JARID2: variants seen among roughly 807,000 people sequenced by gnomAD.
The protein encoded by JARID2 is protein Jumonji.
JARID2 carries 21 observed loss-of-function variants against 125.6 expected under a neutral mutation model. The observed-to-expected ratio is 0.17, with a 90% CI of 0.12 to 0.24. JARID2 has a LOEUF of 0.24. JARID2 is among the 10% of genes least tolerant of loss of function. The probability of loss-of-function intolerance (pLI) is 1.00; values close to 1 mark genes in which losing one functional copy is unlikely to be tolerated. For synonymous variants in JARID2, 736 were observed against 661.6 expected (o/e 1.11, Z -1.73); for missense variants, 1,303 against 1,639.6 (o/e 0.79, Z 3.55).
intron 1 of JARID2, among the ~76,000 whole-genome samples, chr6:15,250,114 G>A (rs977310001): frequency 6.6e-6 from 1 of 152,156 alleles, no homozygotes; most frequent in Admixed American, 6.5e-5. Context: ...CAAATTGCCA[G>A]TTTGATTTTC....
Position 15,248,952 on chromosome 6 carries a change from C to G in JARID2, c.45+2368C>G, listed in dbSNP as rs575352125. 8.1e-6 allele frequency: 8 copies of G among 985,588 alleles called. No homozygotes were observed. In the South Asian group the frequency reaches 3.3e-4, roughly 40 times the overall value. The allele number at this position is 985,588 out of a possible 1,614,324, so 61.1% of individuals were successfully genotyped here. A position where few individuals can be genotyped will look rare whatever the true frequency, so the allele number is the denominator to read the frequency against. Reference sequence around the variant, plus strand: ...CTCTGCCTTCCGCTCCGGAGCGTCGCGCTTCCCACCAGGTGAGGGCCGGGG... The same window carrying G: ...CTCTGCCTTCCGCTCCGGAGCGTCGGGCTTCCCACCAGGTGAGGGCCGGGG... On this transcript the variant is annotated intron_variant, in intron 1 of 17. Transcript: ENST00000341776.
chr6:15,374,313 C>T (rs2072820), intron 2 of JARID2, 61 bp downstream of exon 2: 816,492 of 1,569,704 alleles, frequency 0.52, 213,593 homozygotes, highest in Admixed American at 0.59. Flanking sequence ...TGGACTTGTT[C>T]CTGAATTGGA....
At chr6:15,300,897 G>A (rs1003798559) in intron 1 of JARID2, among the ~76,000 whole-genome samples, 5 of 152,010 alleles carry the variant, frequency 3.3e-5, no homozygotes, top group African/African-American at 1.2e-4. Context: ...GGGACGGAAG[G>A]GTGACAGAAA....
intron 4 of JARID2, among the ~76,000 whole-genome samples, chr6:15,458,444 T>C (rs955974558): frequency 6.6e-6 from 1 of 152,250 alleles, no homozygotes; most frequent in Non-Finnish European, 1.5e-5. Context: ...ATATCCTTAC[T>C]GTCAGCCGTT....
At chr6:15,427,820 G>A (rs535745937) in intron 3 of JARID2, among the ~76,000 whole-genome samples, 1 of 152,162 alleles carries the variant, frequency 6.6e-6, no homozygotes, top group Non-Finnish European at 1.5e-5. Flanking sequence ...TGTGAAGGAG[G>A]TGACAGCCAT....
At chr6:15,336,088 AAT>A (rs1762866765) in intron 1 of JARID2, among the ~76,000 whole-genome samples, 1 of 5,360 alleles carries the variant, frequency 1.9e-4, no homozygotes, top group Admixed American at 2.4e-3. Context: ...TCCAAGGGTG[AAT>A]GAATGAATGA....
intron 1 of JARID2, among the ~76,000 whole-genome samples, chr6:15,286,443 G>A (rs982789847): frequency 6.6e-6 from 1 of 151,242 alleles, no homozygotes; most frequent in Non-Finnish European, 1.5e-5. Flanking sequence ...CTAGAGACGG[G>A]GTTTCACCAT....
chr6:15,273,596 A>T (rs1760383146), intron 1 of JARID2, among the ~76,000 whole-genome samples: 1 of 152,136 alleles, frequency 6.6e-6, no homozygotes, highest in Admixed American at 6.5e-5. Context: ...AGCTACTTGG[A>T]AGGCTGAGGC....
At chr6:15,518,655 T>C (rs537231908) in intron 17 of JARID2, among the ~76,000 whole-genome samples, 2 of 152,296 alleles carry the variant, frequency 1.3e-5, no homozygotes, top group African/African-American at 4.8e-5. Flanking sequence ...GGCTAATTTT[T>C]CTTTTTAGTA....
chr6:15,475,367 C>G (rs1297429403), intron 5 of JARID2, among the ~76,000 whole-genome samples: 3 of 152,190 alleles, frequency 2.0e-5, no homozygotes, highest in African/African-American at 7.2e-5. Context: ...TTTTCTGAAC[C>G]TGAAGAAGGC....
chr6:15,469,526 G>T lies in JARID2; in HGVS notation c.670+808G>T, dbSNP rs138551184. On this transcript the variant is annotated intron_variant, in intron 5 of 17. Coordinates refer to ENST00000341776, the MANE Select transcript of JARID2 (RefSeq NM_004973.4). ...CGGCTCACTGCCAGCTCTACCTCCC[G>T]GGTTCACGCCATTATCCTGCCTCAT... 1.6e-3 allele frequency among the ~76,000 whole-genome samples: 240 copies of T among 150,102 alleles called. No homozygotes were observed. The Middle Eastern group carries it at 0.021, about 13-fold the overall frequency.
intron 1 of JARID2, among the ~76,000 whole-genome samples, chr6:15,331,354 A>C (rs1361450720): frequency 7.3e-5 from 11 of 150,864 alleles, no homozygotes; most frequent in Admixed American, 2.6e-4. Context: ...CAAAAACAAA[A>C]ACAAAAAAAA....
chr6:15,498,411 C>G (rs1223896500), intron 7 of JARID2, among the ~76,000 whole-genome samples: 1 of 152,174 alleles, frequency 6.6e-6, no homozygotes, highest in Non-Finnish European at 1.5e-5. Context: ...CTGTAGCCCT[C>G]CTTCCCTGTC....
intron 1 of JARID2, among the ~76,000 whole-genome samples, chr6:15,331,343 AC>A (rs869176354): frequency 2.9e-5 from 1 of 34,016 alleles, no homozygotes; most frequent in Non-Finnish European, 1.0e-4. Context: ...CTCAAAAAAA[AC>A]AAAAACAAAA....
chr6:15,296,280 A>C (rs17769736), intron 1 of JARID2, among the ~76,000 whole-genome samples: 13,907 of 152,190 alleles, frequency 0.091, 734 homozygotes, highest in East Asian at 0.16. Context: ...TTCTAATAGA[A>C]TCATTTTGGG....
intron 16 of JARID2, among the ~76,000 whole-genome samples, chr6:15,515,943 C>T (rs971259720): frequency 2.0e-5 from 3 of 146,524 alleles, no homozygotes; most frequent in Non-Finnish European, 3.0e-5. Flanking sequence ...GTGGAGGTTG[C>T]AGTGAGCCGA....
Position 15,315,957 on chromosome 6 carries a change from G to T in JARID2, c.46-58160G>T, listed in dbSNP as rs1581403467. ...CTTCAGATTGATTTAAAGTGACTGAGGGCATAAGCTGGAACCAAGATTAGA... is the reference window on the plus strand; with the variant it reads ...CTTCAGATTGATTTAAAGTGACTGATGGCATAAGCTGGAACCAAGATTAGA... On this transcript the variant is annotated intron_variant, in intron 1 of 17. Coordinates refer to ENST00000341776, the MANE Select transcript of JARID2 (RefSeq NM_004973.4). 2.6e-5 allele frequency among the ~76,000 whole-genome samples: 4 copies of T among 152,098 alleles called. 1 individual carries two copies. Among genetic ancestry groups the T allele is most frequent in the Admixed American group, 2.6e-4 (4 of 15,288 alleles).
chr6:15,410,493 C>T (rs1205322103), intron 3 of JARID2, 128 bp downstream of exon 3: 18 of 874,546 alleles, frequency 2.1e-5, no homozygotes, highest in African/African-American at 3.4e-5. Context: ...GAGCCAGAAT[C>T]ATGAGGTTTC....
At chr6:15,254,798 C>T (rs1370641816) in intron 1 of JARID2, among the ~76,000 whole-genome samples, 2 of 151,972 alleles carry the variant, frequency 1.3e-5, no homozygotes, top group Admixed American at 6.6e-5. Flanking sequence ...CCAGCACTTT[C>T]GAAGGCCGAG....
Sources: allele counts gnomAD v4.1 joint callset (sites outside exome capture counted in the v4.1 genomes callset), GRCh38; gene constraint gnomAD v4.1.1; transcripts MANE v1.5; gene names NCBI Gene and HGNC (gene_info 2026-07-23, HGNC 2026-07-21).